TNS3: variants seen among roughly 807,000 people sequenced by gnomAD.
TNS3 encodes the protein tensin-3.
TNS3 carries 45 observed loss-of-function variants against 140.9 expected under a neutral mutation model. The observed-to-expected ratio is 0.32, with a 90% CI of 0.25 to 0.41. The LOEUF is 0.41. Among genes scored for constraint, TNS3 ranks in the 10% least tolerant of loss-of-function variants. TNS3 has a pLI of 1.00. For synonymous variants in TNS3, 815 were observed against 788.4 expected (o/e 1.03, Z -0.56); for missense variants, 1,716 against 1,906.7 (o/e 0.90, Z 1.86).
At chr7:47,448,922 T>TG (rs1184930638) in intron 4 of TNS3, among the ~76,000 whole-genome samples, 2 of 152,164 alleles carry the variant, frequency 1.3e-5, no homozygotes, top group African/African-American at 2.4e-5. Context: ...TGCAGAATCT[T>TG]GGGCCAGGGC....
At chr7:47,385,479 C>T (rs1792022183) in intron 16 of TNS3, among the ~76,000 whole-genome samples, 1 of 152,174 alleles carries the variant, frequency 6.6e-6, no homozygotes, top group South Asian at 2.1e-4. Context: ...GCATCCAGCA[C>T]TGCCGATGCT....
rs1026341630 is a variant in TNS3, at chr7:47,315,083, C to T, written c.2651-10080G>A. 3.3e-5 allele frequency among the ~76,000 whole-genome samples: 5 copies of T among 152,326 alleles called. No homozygotes were observed. The East Asian group carries it at 7.7e-4, about 24-fold the overall frequency. ...AGGGATGCTGTTTAGACCGTGTGCACGCCAGCACAGCCCTGCCAGCCACAG... is the reference window on the plus strand; with the variant it reads ...AGGGATGCTGTTTAGACCGTGTGCATGCCAGCACAGCCCTGCCAGCCACAG... On this transcript the variant is annotated intron_variant, in intron 20 of 30. Transcript: ENST00000311160.
intron 20 of TNS3, among the ~76,000 whole-genome samples, chr7:47,310,345 C>T (rs192365759): frequency 1.3e-5 from 2 of 152,154 alleles, no homozygotes; most frequent in Admixed American, 1.3e-4. Context: ...CAAGATGCAC[C>T]TAGGAAGAGG....
intron 13 of TNS3, among the ~76,000 whole-genome samples, chr7:47,403,615 G>A (rs993053175): frequency 5.3e-5 from 8 of 152,050 alleles, no homozygotes; most frequent in African/African-American, 1.7e-4. Flanking sequence ...GATTAATGGA[G>A]GTAAACACCA....
intron 4 of TNS3, among the ~76,000 whole-genome samples, chr7:47,477,632 G>C (rs1343332050): frequency 6.6e-6 from 1 of 152,200 alleles, no homozygotes. Flanking sequence ...AACAAAAACA[G>C]CTATCAGGTG....
intron 2 of TNS3, 48 bp downstream of exon 2, chr7:47,528,988 T>G: frequency 4.4e-6 from 5 of 1,129,482 alleles, no homozygotes; most frequent in Non-Finnish European, 5.7e-6. Context: ...GTTTCTTGTT[T>G]GTTTTGCTCT....
At chr7:47,469,950 G>A (rs1317143823) in intron 4 of TNS3, among the ~76,000 whole-genome samples, 1 of 123,418 alleles carries the variant, frequency 8.1e-6, no homozygotes, top group Non-Finnish European at 1.6e-5. Context: ...CTCCAGCCTG[G>A]GCAACAGAAT....
In TNS3 at chr7:47,408,537, C is replaced by T. The variant is rs372640739; in HGVS notation, c.723+3190G>A. Among the ~76,000 whole-genome samples the T allele has an allele frequency of 6.2e-3, 942 of 152,136 alleles. 13 individuals are homozygous for T. Among genetic ancestry groups the T allele is most frequent in the African/African-American group, 0.021 (891 of 41,490 alleles). On this transcript the variant is annotated intron_variant, in intron 13 of 30. Transcript: ENST00000311160. Reference sequence around the variant, plus strand: ...CCAAAGACTAAGCCACAGTCTGGTCCGATAGAGGAAAGTGACCTGGTGATG... The same window carrying T: ...CCAAAGACTAAGCCACAGTCTGGTCTGATAGAGGAAAGTGACCTGGTGATG...
At chr7:47,384,011 T>C (rs1158887821) in intron 16 of TNS3, among the ~76,000 whole-genome samples, 2 of 152,228 alleles carry the variant, frequency 1.3e-5, no homozygotes, top group East Asian at 3.8e-4. Flanking sequence ...TAGCTTCTGG[T>C]AGAAAGTTCT....
intron 5 of TNS3, 40 bp downstream of exon 5, chr7:47,441,963 G>A (rs1795486631): frequency 7.8e-7 from 1 of 1,276,714 alleles, no homozygotes; most frequent in African/African-American, 1.5e-5. Context: ...CTGACCTACA[G>A]CCAGAGACAC....
At chr7:47,434,939 A>G (rs908294778) in intron 8 of TNS3, among the ~76,000 whole-genome samples, 2 of 152,268 alleles carry the variant, frequency 1.3e-5, no homozygotes, top group African/African-American at 4.8e-5. Flanking sequence ...AAAAGGGCAT[A>G]CATAGCTCTT....
At chr7:47,307,362 T>C (rs1260416320) in intron 20 of TNS3, among the ~76,000 whole-genome samples, 1 of 152,244 alleles carries the variant, frequency 6.6e-6, no homozygotes, top group East Asian at 1.9e-4. Context: ...TACTTTTCCA[T>C]TGTATGGACA....
intron 16 of TNS3, among the ~76,000 whole-genome samples, chr7:47,395,415 G>A (rs139765229): frequency 2.0e-5 from 3 of 152,292 alleles, no homozygotes; most frequent in African/African-American, 7.2e-5. Flanking sequence ...CTCCTCCAGT[G>A]GAAAACATCA....
chr7:47,522,778 A>C (rs953496369), intron 2 of TNS3, among the ~76,000 whole-genome samples: 5 of 152,036 alleles, frequency 3.3e-5, no homozygotes, highest in Admixed American at 1.3e-4. Context: ...AATACAAAAA[A>C]TTAGCCGGGT....
chr7:47,310,171 C>G (rs942512941), intron 20 of TNS3, among the ~76,000 whole-genome samples: 1 of 152,232 alleles, frequency 6.6e-6, no homozygotes, highest in African/African-American at 2.4e-5. Flanking sequence ...AGAGTCAACA[C>G]TCTGAGCATG....
At chr7:47,508,423 G>A (rs1310325036) in intron 2 of TNS3, among the ~76,000 whole-genome samples, 2 of 152,132 alleles carry the variant, frequency 1.3e-5, no homozygotes, top group African/African-American at 4.8e-5. Context: ...ACTTGCCATT[G>A]GGAAACAAGG....
At chr7:47,309,588 G>A (rs78502432) in intron 20 of TNS3, among the ~76,000 whole-genome samples, 3,365 of 152,254 alleles carry the variant, frequency 0.022, 128 homozygotes, top group African/African-American at 0.077. Flanking sequence ...CTAAAAGGGA[G>A]GATGAATAAT....
Position 47,346,280 on chromosome 7 carries a change from C to T in TNS3, c.2358G>A (p.Gly786=). The change falls in exon 18 of 31, where the codon GGG becomes GGA. Residue 786 remains glycine (G), a synonymous_variant. Transcript: ENST00000311160. ...ATGCACATTTGGAGAAGGGCAGCTG[C>T]CCCCCAGCATCGTTGTCGTACTGCC... The part of the protein sequence containing the change: ...SLGQYDNDAG[G]QLPFSKCAWG... 2 of 1,614,164 alleles carry T rather than the reference C, an allele frequency of 1.2e-6. No individual in the cohort carries two copies. The highest frequency in any genetic ancestry group is 1.7e-6 in the Non-Finnish European group (2 of 1,180,030).
chr7:47,418,972 G>A (rs558236406), intron 10 of TNS3, among the ~76,000 whole-genome samples: 310 of 152,394 alleles, frequency 2.0e-3, no homozygotes, highest in Non-Finnish European at 3.6e-3. Context: ...CACAGAGTCA[G>A]CCATGGCTGC....
Sources: allele counts gnomAD v4.1 joint callset (sites outside exome capture counted in the v4.1 genomes callset), GRCh38; gene constraint gnomAD v4.1.1; transcripts MANE v1.5; gene names NCBI Gene and HGNC (gene_info 2026-07-23, HGNC 2026-07-21).